PRR4: variants seen among roughly 807,000 people sequenced by gnomAD.
PRR4 encodes proline-rich protein 4.
A neutral mutation model predicts 7.6 loss-of-function variants in PRR4; 7 were observed. The ratio of observed to expected loss-of-function variants is 0.92; its 90% CI spans 0.52 to 1.73. PRR4 has a LOEUF of 1.73. Ranked by LOEUF, PRR4 falls within the 40% of genes most tolerant of loss-of-function variation. The pLI is 0.00. For missense variants in PRR4, 187 were observed against 161.0 expected, an observed-to-expected ratio of 1.16 and a Z score of -0.87; for synonymous variants, 64 against 58.5, an observed-to-expected ratio of 1.09 and a Z score of -0.43.
Position 10,848,355 on chromosome 12 carries a change from G to A in PRR4, c.100+17C>T. ...AAAAGAAAGAAAAGAATTGGATTGA[G>A]GATCATTGGGATTTACCTGGTATGG... On this transcript the variant is annotated intron_variant, in intron 2 of 3. Coordinates refer to ENST00000228811, the MANE Select transcript of PRR4 (RefSeq NM_007244.3). 1.3e-6 allele frequency: 2 copies of A among 1,596,476 alleles called. No homozygotes were observed. Among genetic ancestry groups the A allele is most frequent in the Non-Finnish European group, 1.7e-6 (2 of 1,165,046 alleles).
rs1438207193 is a variant in PRR4 at position 10,848,377 on chromosome 12, A to G, written c.95T>C (p.Ile32Thr). The G allele has an allele frequency of 1.2e-6, 2 of 1,609,184 alleles. No homozygotes were observed. Among genetic ancestry groups the G allele is most frequent in the Non-Finnish European group, 1.7e-6 (2 of 1,175,710 alleles). Residue 32 changes from isoleucine (I) to threonine (T), a missense_variant, in exon 2 of 4, where the codon ATA becomes ACA. By Grantham distance (89) the Ile-to-Thr change is moderately conservative (BLOSUM62 -1). Transcript: ENST00000228811. ...TGAGGATCATTGGGATTTACCTGGT[A>G]TGGTGAAAGTAAAGTCTTCATAGTT... ...DVNYEDFTFT[I>T]PDVEDSSQRP...
intron 2 of PRR4, 40 bp from the exon 3 acceptor site, chr12:10,847,407 T>C: frequency 7.0e-7 from 1 of 1,420,250 alleles, no homozygotes; most frequent in South Asian, 1.7e-5. Context: ...ATGAGCTCAG[T>C]GAAGAAAAAC....
intron 3 of PRR4, among the ~76,000 whole-genome samples, chr12:10,846,220 C>T (rs1480537430): frequency 3.9e-5 from 6 of 152,006 alleles, no homozygotes; most frequent in African/African-American, 1.4e-4. Context: ...ATGGTACAGT[C>T]ACACAAGAGA....
At chr12:10,846,328 A>G (rs1185965105) in intron 3 of PRR4, among the ~76,000 whole-genome samples, 11 of 152,206 alleles carry the variant, frequency 7.2e-5, no homozygotes, top group Non-Finnish European at 1.6e-4. Context: ...TAAGACATGT[A>G]TTATTTGAAA....
chr12:10,847,417 C>T (rs1949034469), intron 2 of PRR4, 50 bp from the exon 3 acceptor site: 1 of 1,372,498 alleles, frequency 7.3e-7, no homozygotes, highest in South Asian at 1.7e-5. Flanking sequence ...TGAAGAAAAA[C>T]TCTCCTCTCT....
At chr12:10,848,189 C>T (rs554748223) in intron 2 of PRR4, among the ~76,000 whole-genome samples, 183 bp downstream of exon 2, 2 of 152,150 alleles carry the variant, frequency 1.3e-5, no homozygotes, top group African/African-American at 2.4e-5. Context: ...GCTCATGGTC[C>T]CCAGAATCAA....
intron 3 of PRR4, 139 bp downstream of exon 3, chr12:10,846,906 G>A: frequency 1.3e-6 from 1 of 781,210 alleles, no homozygotes; most frequent in Non-Finnish European, 1.8e-6. Context: ...CCTTATCCAA[G>A]AATATCTGAA....
chr12:10,846,412 A>G (rs1358301368), intron 3 of PRR4, among the ~76,000 whole-genome samples: 7 of 152,224 alleles, frequency 4.6e-5, no homozygotes, highest in African/African-American at 1.7e-4. Flanking sequence ...TTATATACAT[A>G]TAAATATTTC....
At chr12:10,848,491 C>G in intron 1 of PRR4, 84 bp from the exon 2 acceptor site, 1 of 1,308,122 alleles carries the variant, frequency 7.6e-7, no homozygotes, top group Non-Finnish European at 1.1e-6. Context: ...AAGGGGTCTT[C>G]TGGCCACACC....
chr12:10,848,091 C>T (rs1309829379), intron 2 of PRR4, among the ~76,000 whole-genome samples: 1 of 152,166 alleles, frequency 6.6e-6, no homozygotes, highest in African/African-American at 2.4e-5. Flanking sequence ...TTCATCATCT[C>T]TCAGCAGTCA....
At position 10,845,873 on chromosome 12, in the gene PRR4, G is replaced by T; in HGVS notation, c.*96C>A. 1.8e-6 allele frequency: 2 copies of T among 1,112,952 alleles called. No individual in the cohort carries two copies. The highest frequency in any genetic ancestry group is 2.4e-6 in the Non-Finnish European group (2 of 847,382). The allele number at this position is 1,112,952 out of a possible 1,614,324, so 68.9% of individuals were successfully genotyped here. ...ATTGCATGCTATTAATATTTTATTG[G>T]TATACTGAAGAAAGAGTTATGACCA... On this transcript the variant is annotated 3_prime_UTR_variant, in exon 4 of 4. Coordinates refer to ENST00000228811, the MANE Select transcript of PRR4 (RefSeq NM_007244.3).
chr12:10,848,397 A>G lies in PRR4; in HGVS notation c.75T>C (p.Tyr25=), dbSNP rs1241613488. 1.2e-6 allele frequency: 2 copies of G among 1,611,266 alleles called. No individual in the cohort carries two copies. Among genetic ancestry groups the G allele is most frequent in the Non-Finnish European group, 1.7e-6 (2 of 1,177,608 alleles). The change falls in exon 2 of 4, where the codon TAT becomes TAC. Residue 25 remains tyrosine, a synonymous_variant. Transcript: ENST00000228811. ...CTGGTATGGTGAAAGTAAAGTCTTC[A>G]TAGTTCACATCTAGGAAAAGAAGCA... ...SAQSTDNDVN[Y]EDFTFTIPDV...
At chr12:10,847,517 T>TC (rs199807579) in intron 2 of PRR4, 150 bp from the exon 3 acceptor site, 15 of 495,784 alleles carry the variant, frequency 3.0e-5, no homozygotes, top group African/African-American at 2.5e-4. Context: ...GTTTTTTTTT[T>TC]CTTTTTATGC....
At chr12:10,846,920 A>C (rs1334362792) in intron 3 of PRR4, 125 bp downstream of exon 3, 6 of 877,424 alleles carry the variant, frequency 6.8e-6, no homozygotes, top group East Asian at 2.8e-5. Flanking sequence ...ATCTGAATAC[A>C]AATCTTTAGA....
At chr12:10,847,711 T>C (rs961594415) in intron 2 of PRR4, among the ~76,000 whole-genome samples, 1 of 152,058 alleles carries the variant, frequency 6.6e-6, no homozygotes, top group Non-Finnish European at 1.5e-5. Context: ...TGTTACTGGT[T>C]ATTTTTTATT....
At chr12:10,848,334 G>C (rs768970298) in intron 2 of PRR4, 38 bp downstream of exon 2, 16 of 1,574,310 alleles carry the variant, frequency 1.0e-5, no homozygotes, top group Middle Eastern at 3.4e-4. Flanking sequence ...AGTGGAAAAA[G>C]AAAGAAAAGA....
chr12:10,847,438 C>T (rs1949034831), intron 2 of PRR4, 71 bp from the exon 3 acceptor site: 2 of 1,209,708 alleles, frequency 1.7e-6, no homozygotes, highest in Non-Finnish European at 1.1e-6. Flanking sequence ...TTATACTTCT[C>T]TCACCTTACC....
At chr12:10,846,926 T>C (rs1949025243) in intron 3 of PRR4, 119 bp downstream of exon 3, 5 of 922,112 alleles carry the variant, frequency 5.4e-6, no homozygotes, top group Non-Finnish European at 7.6e-6. Context: ...ATACAAATCT[T>C]TAGAAATGGG....
chr12:10,848,554 G>A lies in PRR4; in HGVS notation c.65-147C>T. The stretch of plus-strand genomic sequence containing the variant: ...ACCATGTTCTGTGAAGCTGCTGGAA[G>A]GGGAGGAAGATGTTAGGGGAGGCAG... On this transcript the variant is annotated intron_variant, in intron 1 of 3. Coordinates refer to ENST00000228811, the MANE Select transcript of PRR4 (RefSeq NM_007244.3). 4 of 641,182 alleles carry A rather than the reference G, an allele frequency of 6.2e-6. No homozygotes were observed. The South Asian group carries it at 1.1e-4, about 17-fold the overall frequency. 39.7% of individuals were successfully genotyped at this position (641,182 alleles called of 1,614,324 possible). A position where few individuals can be genotyped will look rare whatever the true frequency, so the allele number is the denominator to read the frequency against.
Sources: gnomAD v4.1 joint callset for allele counts (sites outside exome capture counted in the v4.1 genomes callset) on GRCh38, gnomAD v4.1.1 for gene constraint, MANE v1.5 for transcripts, NCBI Gene and HGNC (gene_info 2026-07-23, HGNC 2026-07-21) for gene names.